Variants in DGCR2 observed in about 807,000 individuals in gnomAD.
DGCR2 encodes the protein DiGeorge syndrome critical region gene 2, also known as integral membrane protein DGCR2/IDD.
A neutral mutation model predicts 51.6 loss-of-function variants in DGCR2; 24 were observed. The observed-to-expected ratio is 0.47, with a 90% CI of 0.34 to 0.65. DGCR2 has a LOEUF of 0.65. Among genes scored for constraint, DGCR2 ranks in the 30% least tolerant of loss-of-function variants. The pLI is 0.01. For missense variants in DGCR2, 765 were observed against 772.1 expected (o/e 0.99, Z 0.11); for synonymous variants, 340 against 315.4 (o/e 1.08, Z -0.82).
chr22:19,091,414 A>AT (rs1205502557), intron 1 of DGCR2, among the ~76,000 whole-genome samples: 2 of 152,194 alleles, frequency 1.3e-5, no homozygotes, highest in African/African-American at 4.8e-5. Context: ...TTCAGTGCAA[A>AT]TATTACCAGG....
At chr22:19,094,962 G>A (rs1175615285) in intron 1 of DGCR2, among the ~76,000 whole-genome samples, 1 of 152,202 alleles carries the variant, frequency 6.6e-6, no homozygotes, top group African/African-American at 2.4e-5. Flanking sequence ...GAAAGGGATG[G>A]GGGTGGGAGG....
In DGCR2 at chr22:19,041,398, T is replaced by A. The variant is rs928483379; in HGVS notation, c.1160-104A>T. 4.5e-6 allele frequency: 5 copies of A among 1,120,876 alleles called. No homozygotes were observed. In the African/African-American group the frequency reaches 4.6e-5, roughly 10 times the overall value. 69.4% of individuals were successfully genotyped at this position (1,120,876 alleles called of 1,614,324 possible). On this transcript the variant is annotated intron_variant, in intron 8 of 9. Transcript: ENST00000263196. ...CCAGGCTGGGCCTGCCGTCCCTGAG[T>A]GCACACACCTGTGCCCCGCTGCCTA...
At chr22:19,078,377 T>C (rs970971432) in intron 2 of DGCR2, among the ~76,000 whole-genome samples, 9 of 152,252 alleles carry the variant, frequency 5.9e-5, no homozygotes, top group African/African-American at 2.2e-4. Context: ...TGAGTTAGTG[T>C]ACATAAATAT....
chr22:19,062,776 C>CGCGCACACACACATGCAT, intron 5 of DGCR2, among the ~76,000 whole-genome samples: 1 of 123,324 alleles, frequency 8.1e-6, no homozygotes, highest in East Asian at 2.4e-4. Flanking sequence ...CACATGCATG[C>CGCGCACACACACATGCAT]TCACTCTCTC....
At chr22:19,055,159 C>T (rs946930384) in intron 6 of DGCR2, among the ~76,000 whole-genome samples, 1 of 151,938 alleles carries the variant, frequency 6.6e-6, no homozygotes, top group Admixed American at 6.6e-5. Flanking sequence ...ATCAGCAAAC[C>T]AAATCCACCA....
At chr22:19,111,834 TTTTTG>T (rs1385284233) in intron 1 of DGCR2, among the ~76,000 whole-genome samples, 17 of 144,766 alleles carry the variant, frequency 1.2e-4, no homozygotes, top group African/African-American at 4.6e-4. Context: ...TCTAAACTCT[TTTTTG>T]TTTTTATTTT....
chr22:19,045,935 C>T (rs942637531), intron 7 of DGCR2, among the ~76,000 whole-genome samples: 1 of 152,154 alleles, frequency 6.6e-6, no homozygotes, highest in African/African-American at 2.4e-5. Flanking sequence ...ACCATGTTGG[C>T]CATACTGGTC....
chr22:19,082,769 G>GA (rs1200637904), intron 2 of DGCR2, among the ~76,000 whole-genome samples: 19 of 145,566 alleles, frequency 1.3e-4, no homozygotes, highest in African/African-American at 3.6e-4. Flanking sequence ...AAAAAAAACA[G>GA]AAAAAAAAAG....
chr22:19,062,221 C>T (rs2082671431), intron 5 of DGCR2, among the ~76,000 whole-genome samples: 1 of 152,216 alleles, frequency 6.6e-6, no homozygotes, highest in Non-Finnish European at 1.5e-5. Context: ...CTCAGGAGGG[C>T]ACTGGTGGTC....
intron 6 of DGCR2, among the ~76,000 whole-genome samples, chr22:19,054,904 A>T (rs900581150): frequency 6.6e-6 from 1 of 152,118 alleles, no homozygotes; most frequent in Non-Finnish European, 1.5e-5. Flanking sequence ...GGAGTTCAAG[A>T]CCAGCGTTCA....
At chr22:19,091,233 C>T (rs904571254) in intron 1 of DGCR2, among the ~76,000 whole-genome samples, 1 of 152,112 alleles carries the variant, frequency 6.6e-6, no homozygotes, top group Non-Finnish European at 1.5e-5. Flanking sequence ...GGGACAAACG[C>T]CTATAGTCCC....
chr22:19,087,678 CTT>C (rs35513614), intron 2 of DGCR2, among the ~76,000 whole-genome samples: 60 of 120,192 alleles, frequency 5.0e-4, no homozygotes, highest in South Asian at 8.5e-4. Context: ...CTGCACCTGG[CTT>C]TTTTTTTTTT....
intron 2 of DGCR2, among the ~76,000 whole-genome samples, chr22:19,084,904 C>T (rs2082996900): frequency 6.6e-6 from 1 of 152,052 alleles, no homozygotes; most frequent in Non-Finnish European, 1.5e-5. Flanking sequence ...CCCCTCTGCC[C>T]GGCCACCACC....
chr22:19,087,329 A>G (rs2083028230), intron 2 of DGCR2, among the ~76,000 whole-genome samples: 1 of 152,202 alleles, frequency 6.6e-6, no homozygotes, highest in Admixed American at 6.5e-5. Context: ...TACCAGAGAC[A>G]CGCATAATCT....
chr22:19,088,123 T>G (rs2238756), intron 2 of DGCR2, among the ~76,000 whole-genome samples: 2,486 of 152,306 alleles, frequency 0.016, 86 homozygotes, highest in East Asian at 0.061. Flanking sequence ...ATGAATTGGT[T>G]TTCCTTCAGT....
At chr22:19,088,402 T>C (rs2083041479) in intron 2 of DGCR2, among the ~76,000 whole-genome samples, 1 of 152,192 alleles carries the variant, frequency 6.6e-6, no homozygotes, top group Non-Finnish European at 1.5e-5. Context: ...TGGTAAGGCT[T>C]GTCTATGCAG....
intron 9 of DGCR2, among the ~76,000 whole-genome samples, chr22:19,040,003 C>T (rs994044148): frequency 2.6e-5 from 4 of 152,168 alleles, no homozygotes; most frequent in South Asian, 4.1e-4. Flanking sequence ...TGAGCCACTG[C>T]GCCTGGGCTG....
chr22:19,073,062 G>A (rs1401246002), intron 2 of DGCR2, among the ~76,000 whole-genome samples: 1 of 151,954 alleles, frequency 6.6e-6, no homozygotes. Flanking sequence ...TTGGAGACCA[G>A]CCTGGGCAAC....
At position 19,041,879 on chromosome 22, in the gene DGCR2, G is replaced by T; in HGVS notation, c.1087C>A (p.Leu363Met). Residue 363 changes from leucine to methionine, a missense_variant, in exon 8 of 10, where the codon CTG becomes ATG. Transcript: ENST00000263196. Reference protein sequence around the residue: ...SCISSFLILSLLLFMVHRLRQ... With the variant: ...SCISSFLILSMLLFMVHRLRQ... ...AGCCGGTGGACCATGAAGAGCAGCA[G>T]TGACAGGATGAGGAAGGAGGAGATG... 1 of 1,613,664 alleles carries T rather than the reference G, an allele frequency of 6.2e-7. No homozygotes were observed. The highest frequency in any genetic ancestry group is 8.5e-7 in the Non-Finnish European group (1 of 1,179,998).
Sources: allele counts gnomAD v4.1 joint callset (sites outside exome capture counted in the v4.1 genomes callset), GRCh38; gene constraint gnomAD v4.1.1; transcripts MANE v1.5; gene names NCBI Gene and HGNC (gene_info 2026-07-23, HGNC 2026-07-21).